INO80D: variants seen among roughly 807,000 people sequenced by gnomAD.
INO80D encodes INO80 complex subunit D.
INO80D carries 21 observed loss-of-function variants against 87.6 expected under a neutral mutation model. The observed-to-expected ratio is 0.24, with a 90% confidence interval of 0.17 to 0.35. The LOEUF is 0.35. Among genes scored for constraint, INO80D ranks in the 10% least tolerant of loss-of-function variants. The pLI, the probability that INO80D is intolerant of heterozygous loss-of-function variation, is 1.00. For missense variants in INO80D, 982 were observed against 1,280.7 expected (o/e 0.77, Z 3.56); for synonymous variants, 440 against 491.0 (o/e 0.90, Z 1.37).
chr2:206,018,724 T>C (rs1575807609), intron 7 of INO80D, among the ~76,000 whole-genome samples: 1 of 151,966 alleles, frequency 6.6e-6, no homozygotes, highest in East Asian at 1.9e-4. Flanking sequence ...AAGTTCAGGA[T>C]CAGCCTGGGC....
chr2:206,017,900 A>G (rs372635807), intron 7 of INO80D, 87 bp from the exon 8 acceptor site: 11 of 1,178,600 alleles, frequency 9.3e-6, no homozygotes, highest in South Asian at 7.8e-5. Flanking sequence ...CTTACATTTC[A>G]TAAGTACAAG....
At chr2:206,014,465 T>A (rs1239648912) in intron 8 of INO80D, among the ~76,000 whole-genome samples, 2 of 152,078 alleles carry the variant, frequency 1.3e-5, no homozygotes, top group Non-Finnish European at 2.9e-5. Flanking sequence ...GTTGTTCTCG[T>A]AATAGTGAAT....
chr2:206,058,418 CAAAAAAAAAAAAA>C (rs59790218), intron 3 of INO80D, among the ~76,000 whole-genome samples: 38 of 125,278 alleles, frequency 3.0e-4, no homozygotes, highest in Admixed American at 3.9e-4. Context: ...GACTCTGTCT[CAAAAAAAAAAAAA>C]AAAAAAAAAA....
chr2:206,072,846 C>CT (rs35269123), intron 1 of INO80D, among the ~76,000 whole-genome samples: 225 of 143,788 alleles, frequency 1.6e-3, no homozygotes, highest in Non-Finnish European at 1.5e-3. Context: ...ACTTTCTTCT[C>CT]TTTTTTTTTT....
At chr2:206,038,749 C>T (rs536881534) in intron 5 of INO80D, among the ~76,000 whole-genome samples, 91 of 152,032 alleles carry the variant, frequency 6.0e-4, no homozygotes, top group Non-Finnish European at 1.1e-3. Flanking sequence ...TGCAGGATGG[C>T]TTGAGCCTGG....
At chr2:206,054,916 G>A (rs527266880) in intron 4 of INO80D, among the ~76,000 whole-genome samples, 3 of 152,154 alleles carry the variant, frequency 2.0e-5, no homozygotes, top group Non-Finnish European at 4.4e-5. Context: ...AAAGTAATGA[G>A]ATTACAGGCA....
chr2:206,047,397 T>G (rs1199006269), intron 4 of INO80D, among the ~76,000 whole-genome samples: 1 of 151,876 alleles, frequency 6.6e-6, no homozygotes, highest in African/African-American at 2.4e-5. Context: ...TTTTGTATTT[T>G]TAGTAGAGAT....
intron 3 of INO80D, among the ~76,000 whole-genome samples, chr2:206,060,098 G>A (rs927007770): frequency 7.2e-5 from 11 of 152,034 alleles, no homozygotes; most frequent in Admixed American, 1.3e-4. Context: ...CTAGTTACTC[G>A]GGAGACTGAG....
At chr2:206,005,803 T>C (rs1477144710) in intron 10 of INO80D, among the ~76,000 whole-genome samples, 1 of 152,196 alleles carries the variant, frequency 6.6e-6, no homozygotes, top group African/African-American at 2.4e-5. Context: ...TACTAAATTC[T>C]TAGGAATTCT....
chr2:206,080,057 C>G (rs1407631516), intron 1 of INO80D, among the ~76,000 whole-genome samples: 1 of 152,216 alleles, frequency 6.6e-6, no homozygotes, highest in South Asian at 2.1e-4. Flanking sequence ...TAAGCTATTA[C>G]TTAACATTCA....
intron 5 of INO80D, 101 bp downstream of exon 5, chr2:206,046,403 G>A (rs1689194095): frequency 1.3e-5 from 10 of 768,870 alleles, no homozygotes; most frequent in Non-Finnish European, 2.2e-5. Context: ...AGTCAGGCTT[G>A]GTGGCAGTAA....
intron 1 of INO80D, among the ~76,000 whole-genome samples, chr2:206,070,190 C>T (rs548501818): frequency 1.3e-5 from 2 of 151,720 alleles, no homozygotes; most frequent in South Asian, 2.1e-4. Flanking sequence ...GTGAGGTGGG[C>T]GGATCACTTG....
At chr2:206,051,619 T>A (rs1689373243) in intron 4 of INO80D, among the ~76,000 whole-genome samples, 1 of 152,162 alleles carries the variant, frequency 6.6e-6, no homozygotes, top group Admixed American at 6.5e-5. Context: ...CTTGAAATAT[T>A]CTTGGAGTAT....
chr2:206,069,617 G>A, intron 1 of INO80D, among the ~76,000 whole-genome samples: 1 of 152,142 alleles, frequency 6.6e-6, no homozygotes, highest in East Asian at 1.9e-4. Flanking sequence ...CTTTCAAGTT[G>A]TTCAAGGGTC....
Position 206,019,827 on chromosome 2 carries a change from C to T in INO80D, c.1317G>A (p.Leu439=). 2 of 1,613,816 alleles carry T rather than the reference C, an allele frequency of 1.2e-6. No individual in the cohort carries two copies. Among genetic ancestry groups the T allele is most frequent in the Non-Finnish European group, 1.7e-6 (2 of 1,179,832 alleles). ...TGCATGCTGCTGGTTCCACCTCCCT[C>T]AGCTTGGTCCGGCTTATGCTAAGGA... ...CSRTSISRTK[L]REVEPAACSG... is the part of the protein sequence containing the mutation. Residue 439 remains leucine, a synonymous_variant, in exon 7 of 11, where the codon CTG becomes CTA. Coordinates refer to ENST00000403263, the MANE Select transcript of INO80D (RefSeq NM_017759.5).
At chr2:206,045,126 C>T (rs1375667688) in intron 5 of INO80D, among the ~76,000 whole-genome samples, 1 of 152,146 alleles carries the variant, frequency 6.6e-6, no homozygotes, top group Non-Finnish European at 1.5e-5. Context: ...AAGACAGTGA[C>T]CACTAATAAA....
Position 206,056,702 on chromosome 2 carries a change from T to G in INO80D, c.460A>C (p.Asn154His). The change falls in exon 4 of 11, where the codon AAT (asparagine) becomes CAT (histidine). Residue 154 changes from asparagine (N) to histidine (H), a missense_variant. Asn to His is a moderately conservative substitution (Grantham distance 68, BLOSUM62 1). Coordinates refer to ENST00000403263, the MANE Select transcript of INO80D (RefSeq NM_017759.5). ...TTCTTTAGGTCATCATCTTCCTCATTGAAAGCAAATGGGTCTTCCAATTCG... is the reference window on the plus strand; with the variant it reads ...TTCTTTAGGTCATCATCTTCCTCATGGAAAGCAAATGGGTCTTCCAATTCG... ...ETELEDPFAF[N>H]EEDDDLKKGA... The G allele has an allele frequency of 6.2e-7, 1 of 1,613,642 alleles. No homozygotes were observed. The highest frequency in any genetic ancestry group is 8.5e-7 in the Non-Finnish European group (1 of 1,179,774).
At position 205,997,509 on chromosome 2, in the gene INO80D, T is replaced by C. The variant is rs997200551; in HGVS notation, c.*6859A>G. On this transcript the variant is annotated 3_prime_UTR_variant, in exon 11 of 11. Coordinates refer to ENST00000403263, the MANE Select transcript of INO80D (RefSeq NM_017759.5). ...TTCACCAAGAAAAGATGATCAACAA[T>C]ATTTTCTTACTCGAATATAAAGAAA... The C allele has an allele frequency of 9.9e-5, 15 of 152,108 alleles. No homozygotes were observed. The highest frequency in any genetic ancestry group is 2.9e-4 in the African/African-American group (12 of 41,442). The allele number at this position is 152,108 out of a possible 1,614,324, so 9.4% of individuals were successfully genotyped here.
chr2:206,079,556 T>C (rs1286587126), intron 1 of INO80D, among the ~76,000 whole-genome samples: 2 of 152,338 alleles, frequency 1.3e-5, no homozygotes, highest in Middle Eastern at 3.4e-3. Context: ...CTCCTTAACA[T>C]GCCTCTGCCA....
Sources: allele counts gnomAD v4.1 joint callset (sites outside exome capture counted in the v4.1 genomes callset), GRCh38; gene constraint gnomAD v4.1.1; transcripts MANE v1.5; gene names NCBI Gene and HGNC (gene_info 2026-07-23, HGNC 2026-07-21).